Variants in NEO1 observed in about 807,000 individuals in gnomAD.
NEO1 encodes the protein neogenin 1.
A neutral mutation model predicts 159.7 loss-of-function variants in NEO1; 63 were observed. The observed-to-expected ratio is 0.39, with a 90% confidence interval of 0.32 to 0.49. The LOEUF is 0.49. Among genes scored for constraint, NEO1 ranks in the 20% least tolerant of loss-of-function variants. The probability of loss-of-function intolerance (pLI) is 0.85; values close to 1 mark genes in which losing one functional copy is unlikely to be tolerated. For missense variants in NEO1, 1,615 were observed against 1,831.0 expected, an observed-to-expected ratio of 0.88 and a Z score of 2.15; for synonymous variants, 633 against 662.0, an observed-to-expected ratio of 0.96 and a Z score of 0.67.
At position 73,260,311 on chromosome 15, in the gene NEO1, C is replaced by T. The variant is rs201704181; in HGVS notation, c.2244C>T (p.Arg748=). ...VPEVPSSLHV[R]PLVTSIVVSW... Reference sequence around the variant, plus strand: ...AAGTGCCTAGCTCTCTTCACGTACGCCCGCTCGTTACTAGCATCGTAGTGA... The same window carrying T: ...AAGTGCCTAGCTCTCTTCACGTACGTCCGCTCGTTACTAGCATCGTAGTGA... The change falls in exon 15 of 29, where the codon CGC becomes CGT. Residue 748 remains arginine (R), a synonymous_variant. Coordinates refer to ENST00000261908, the MANE Select transcript of NEO1 (RefSeq NM_002499.4). 6.2e-7 allele frequency: 1 copy of T among 1,613,988 alleles called. No individual in the cohort carries two copies. Among genetic ancestry groups the T allele is most frequent in the Non-Finnish European group, 8.5e-7 (1 of 1,179,952 alleles).
chr15:73,179,395 G>T (rs139505639), intron 7 of NEO1, among the ~76,000 whole-genome samples: 2 of 152,094 alleles, frequency 1.3e-5, no homozygotes, highest in African/African-American at 4.8e-5. Context: ...GTGGTGTTTT[G>T]CTCTCTAAAC....
intron 11 of NEO1, 141 bp from the exon 12 acceptor site, chr15:73,253,259 G>T: frequency 2.2e-6 from 1 of 460,776 alleles, no homozygotes; most frequent in Non-Finnish European, 3.8e-6. Flanking sequence ...CAACATGAGG[G>T]CATTGGCAGC....
chr15:73,173,005 C>T (rs1201082213), intron 5 of NEO1, among the ~76,000 whole-genome samples: 1 of 152,160 alleles, frequency 6.6e-6, no homozygotes, highest in Non-Finnish European at 1.5e-5. Context: ...CATTTTGGTT[C>T]AGTCTGTTTG....
chr15:73,282,966 A>G lies in NEO1; in HGVS notation c.3265A>G (p.Ser1089Gly), dbSNP rs747127026. 6 of 1,613,718 alleles carry G rather than the reference A, an allele frequency of 3.7e-6. No homozygotes were observed. The highest frequency in any genetic ancestry group is 4.2e-6 in the Non-Finnish European group (5 of 1,179,910). ...GSDYKPPMSG[S>G]NSPHGSPTSP... ...ATGTACCATTTCTCTCTCTGCAGGC[A>G]GTAACAGCCCTCATGGGAGCCCCAC... is the stretch of plus-strand genomic sequence containing the variant. The change falls in exon 23 of 29, where the codon AGT (serine) becomes GGT (glycine). Residue 1089 changes from serine (S) to glycine (G), a missense_variant and splice_region_variant. This residue lies in a region of NEO1 where 471 missense variants were observed against 498.9 expected (regional missense o/e 0.94). Transcript: ENST00000261908.
intron 7 of NEO1, among the ~76,000 whole-genome samples, chr15:73,200,330 C>T (rs1455322150): frequency 6.6e-6 from 1 of 152,078 alleles, no homozygotes; most frequent in African/African-American, 2.4e-5. Context: ...CCTATAATCA[C>T]AGCACTTTGG....
chr15:73,161,016 G>A (rs1362248716), intron 5 of NEO1, among the ~76,000 whole-genome samples: 1 of 152,076 alleles, frequency 6.6e-6, no homozygotes, highest in Non-Finnish European at 1.5e-5. Flanking sequence ...CTTATTATAG[G>A]ACAAAAGTTG....
chr15:73,074,460 A>G (rs561158765), intron 1 of NEO1, among the ~76,000 whole-genome samples: 1 of 152,228 alleles, frequency 6.6e-6, no homozygotes, highest in African/African-American at 2.4e-5. Flanking sequence ...AATGGCTAAA[A>G]TGAAGTGTTC....
rs149584991 is a variant in NEO1, at chr15:73,101,051, C to T, written c.131-15489C>T. 8.9e-3 allele frequency among the ~76,000 whole-genome samples: 1,354 copies of T among 152,274 alleles called. 12 individuals carry two copies. The highest frequency in any genetic ancestry group is 0.031 in the Middle Eastern group (9 of 294). ...CAAGAGGGGCAGCATTCCTTCAATC[C>T]AAAATTAATCCTTCTACACATCTTT... On this transcript the variant is annotated intron_variant, in intron 1 of 28. Transcript: ENST00000261908.
intron 1 of NEO1, among the ~76,000 whole-genome samples, chr15:73,111,024 C>CAT (rs920302913): frequency 2.6e-5 from 4 of 152,016 alleles, no homozygotes; most frequent in African/African-American, 9.7e-5. Context: ...TGCAATTGTT[C>CAT]ATATATATAC....
In NEO1 at chr15:73,256,695, T is replaced by C. The variant is rs139384431; in HGVS notation, c.2092+1866T>C. Among the ~76,000 whole-genome samples, 41 of 152,260 alleles carry C rather than the reference T, an allele frequency of 2.7e-4. No individual in the cohort carries two copies. The East Asian group carries it at 7.2e-3, about 27-fold the overall frequency. On this transcript the variant is annotated intron_variant, in intron 13 of 28. Coordinates refer to ENST00000261908, the MANE Select transcript of NEO1 (RefSeq NM_002499.4). ...GCATGTCTTTCAGTCTTCCAGCTTC[T>C]TCACAAGAACCCCACATCTCTTAGC...
At chr15:73,290,798 C>T (rs2042137365) in intron 25 of NEO1, among the ~76,000 whole-genome samples, 1 of 151,996 alleles carries the variant, frequency 6.6e-6, no homozygotes, top group South Asian at 2.1e-4. Flanking sequence ...ACAAACGATG[C>T]GATTTAATAG....
Position 73,257,137 on chromosome 15 carries a change from A to AAAAG in NEO1, c.2093-1626_2093-1625insGAAA, listed in dbSNP as rs1458690384. 9.0e-3 allele frequency among the ~76,000 whole-genome samples: 1,068 copies of AAAAG among 118,362 alleles called. 53 individuals carry two copies. Among genetic ancestry groups the AAAAG allele is most frequent in the African/African-American group, 0.042 (1,006 of 24,028 alleles). The allele number at this position is 118,362 out of a possible 152,430, so 77.7% of individuals were successfully genotyped here. On this transcript the variant is annotated intron_variant, in intron 13 of 28. Transcript: ENST00000261908. ...ACAGAGAGAGACTCTGTCTCCAAAA[A>AAAAG]AAAAAAAAAAAAAAAAGTTTCATAT...
intron 5 of NEO1, among the ~76,000 whole-genome samples, chr15:73,165,598 G>A (rs1486532120): frequency 6.6e-6 from 1 of 152,136 alleles, no homozygotes; most frequent in Non-Finnish European, 1.5e-5. Flanking sequence ...CCACAGTGTA[G>A]CAATCTCTTG....
At chr15:73,213,307 A>G (rs899292259) in intron 7 of NEO1, among the ~76,000 whole-genome samples, 3 of 152,118 alleles carry the variant, frequency 2.0e-5, no homozygotes, top group African/African-American at 7.2e-5. Context: ...TTATTAGGGT[A>G]CAGGTGGTAT....
rs552460441 is a variant in NEO1 at position 73,279,654 on chromosome 15, G to A, written c.3262+1455G>A. 5.9e-5 allele frequency among the ~76,000 whole-genome samples: 9 copies of A among 152,076 alleles called. No homozygotes were observed. In the South Asian group the frequency reaches 1.2e-3, roughly 21 times the overall value. On this transcript the variant is annotated intron_variant, in intron 22 of 28. Transcript: ENST00000261908. The stretch of plus-strand genomic sequence containing the variant: ...GTGAGCCACCACGCCCGGGGCCCGC[G>A]TGCACGTTTTTAAAGATGCAGGCTC...
At chr15:73,234,159 G>A (rs957369225) in intron 7 of NEO1, among the ~76,000 whole-genome samples, 5 of 152,174 alleles carry the variant, frequency 3.3e-5, no homozygotes, top group African/African-American at 1.2e-4. Flanking sequence ...AGATGGACAT[G>A]CAAATGAGGC....
chr15:73,185,820 A>T (rs540941051), intron 7 of NEO1, among the ~76,000 whole-genome samples: 1 of 152,212 alleles, frequency 6.6e-6, no homozygotes, highest in Non-Finnish European at 1.5e-5. Flanking sequence ...AGATGGGACA[A>T]TATCAGAGGC....
intron 1 of NEO1, among the ~76,000 whole-genome samples, chr15:73,060,842 G>A (rs865995304): frequency 6.7e-6 from 1 of 150,344 alleles, no homozygotes; most frequent in Non-Finnish European, 1.5e-5. Context: ...TACAGACAGG[G>A]TTTCACCATA....
intron 7 of NEO1, among the ~76,000 whole-genome samples, chr15:73,187,308 C>G (rs2035987052): frequency 6.6e-6 from 1 of 152,078 alleles, no homozygotes; most frequent in African/African-American, 2.4e-5. Flanking sequence ...GACTAGGGCA[C>G]ATTTCCTCCT....
Sources: allele counts gnomAD v4.1 joint callset (sites outside exome capture counted in the v4.1 genomes callset), GRCh38; gene constraint gnomAD v4.1.1; regional missense constraint gnomAD v4.1.1; transcripts MANE v1.5; gene names NCBI Gene and HGNC (gene_info 2026-07-23, HGNC 2026-07-21).